DNAH6: variants seen among roughly 807,000 people sequenced by gnomAD.
DNAH6 encodes the protein dynein axonemal heavy chain 6.
Under a neutral mutation model 491.4 loss-of-function variants are expected in DNAH6, and 340 were observed. The ratio of observed to expected loss-of-function variants is 0.69; its 90% CI spans 0.63 to 0.76. The LOEUF (loss-of-function observed/expected upper bound fraction) is 0.76, where lower values mean the gene tolerates loss of function less well. Among genes scored for constraint, DNAH6 ranks in the 30% least tolerant of loss-of-function variants. The probability of loss-of-function intolerance (pLI) is 0.00; values close to 1 mark genes in which losing one functional copy is unlikely to be tolerated. For missense variants in DNAH6, 4,443 were observed against 4,972.2 expected, an observed-to-expected ratio of 0.89 and a Z score of 3.20; for synonymous variants, 1,603 against 1,686.1, an observed-to-expected ratio of 0.95 and a Z score of 1.21.
intron 37 of DNAH6, among the ~76,000 whole-genome samples, chr2:84,665,528 C>T (rs186667238): frequency 6.6e-6 from 1 of 152,274 alleles, no homozygotes; most frequent in East Asian, 1.9e-4. Flanking sequence ...TGGACACATA[C>T]ACCCTCCCAA....
rs1450917503 is a variant in DNAH6 at position 84,781,617 on chromosome 2, G to A, written c.10828G>A (p.Ala3610Thr). The A allele has an allele frequency of 1.3e-6, 2 of 1,551,912 alleles. No homozygotes were observed. Among genetic ancestry groups the A allele is most frequent in the African/African-American group, 1.4e-5 (1 of 73,174 alleles). ...NCHLAVSWMLAMEELIKTFTD... is the reference protein window; with the variant it reads ...NCHLAVSWMLTMEELIKTFTD... Reference sequence around the variant, plus strand: ...CCATCTTGCTGTTTCTTGGATGTTGGCAATGGAAGAGCTCATTAAAACCTT... The same window carrying A: ...CCATCTTGCTGTTTCTTGGATGTTGACAATGGAAGAGCTCATTAAAACCTT... The change falls in exon 65 of 77, where the codon GCA becomes ACA. Residue 3610 changes from alanine (A) to threonine (T), a missense_variant. Coordinates refer to ENST00000389394, the MANE Select transcript of DNAH6 (RefSeq NM_001370.2).
At chr2:84,503,153 G>A in the DNAH6 span, among the ~76,000 whole-genome samples, 5 of 151,716 alleles carry the variant, frequency 3.3e-5, no homozygotes, top group East Asian at 5.8e-4. Flanking sequence ...GTGTGTCTTC[G>A]TTGTATGTTT....
intron 13 of DNAH6, among the ~76,000 whole-genome samples, chr2:84,578,982 T>C (rs1383820950): frequency 1.3e-5 from 2 of 152,220 alleles, no homozygotes; most frequent in Admixed American, 6.5e-5. Context: ...TCTGCCATGA[T>C]TGTAAGTTTC....
rs1376746481 is a variant in DNAH6 at position 84,583,922 on chromosome 2, T to A, written c.2230-77T>A. On this transcript the variant is annotated intron_variant, in intron 14 of 76. Coordinates refer to ENST00000389394, the MANE Select transcript of DNAH6 (RefSeq NM_001370.2). ...TACAATGTTCATATTGTACAGTGTC[T>A]GTCTCCTGTTAGAACAAACTTCAAG... 7 of 1,440,288 alleles carry A rather than the reference T, an allele frequency of 4.9e-6. No homozygotes were observed. In the South Asian group the frequency reaches 8.9e-5, roughly 18 times the overall value. The allele number at this position is 1,440,288 out of a possible 1,614,324, so 89.2% of individuals were successfully genotyped here.
chr2:84,571,467 A>G (rs1681861751), intron 11 of DNAH6, among the ~76,000 whole-genome samples: 1 of 152,216 alleles, frequency 6.6e-6, no homozygotes, highest in Non-Finnish European at 1.5e-5. Context: ...AATAACATAC[A>G]TCACTTATGT....
the DNAH6 span, among the ~76,000 whole-genome samples, chr2:84,473,163 A>G: frequency 6.6e-6 from 1 of 152,232 alleles, no homozygotes; most frequent in Non-Finnish European, 1.5e-5. Flanking sequence ...AAACTGAAAT[A>G]TCTTAGATTT....
chr2:84,612,472 C>G (rs374147828), intron 22 of DNAH6, among the ~76,000 whole-genome samples: 3 of 152,032 alleles, frequency 2.0e-5, no homozygotes, highest in South Asian at 2.1e-4. Flanking sequence ...AGCACATGGC[C>G]CATCCTGGTA....
intron 45 of DNAH6, among the ~76,000 whole-genome samples, chr2:84,692,421 ATAGATAGATAGATAG>A (rs1344791476): frequency 1.3e-3 from 1 of 770 alleles, no homozygotes; most frequent in African/African-American, 4.7e-3. Context: ...AATAAGGTAG[ATAGATAGATAGATAG>A]ATAGATAGAT....
intron 70 of DNAH6, among the ~76,000 whole-genome samples, chr2:84,804,829 C>T (rs1458261698): frequency 6.6e-6 from 1 of 151,700 alleles, no homozygotes; most frequent in Non-Finnish European, 1.5e-5. Flanking sequence ...ATTTTATTTC[C>T]TTTTGAAATA....
chr2:84,802,296 C>G (rs1276268940), intron 70 of DNAH6, among the ~76,000 whole-genome samples: 1 of 152,172 alleles, frequency 6.6e-6, no homozygotes, highest in African/African-American at 2.4e-5. Context: ...ACCCATCGTT[C>G]TGCTGTCTTC....
In DNAH6 at chr2:84,688,577, A is replaced by G. The variant is rs748113624; in HGVS notation, c.7276A>G (p.Ile2426Val). 2 of 1,541,884 alleles carry G rather than the reference A, an allele frequency of 1.3e-6. No homozygotes were observed. The highest frequency in any genetic ancestry group is 1.7e-6 in the Non-Finnish European group (2 of 1,144,834). ...EVKLVFFQDA[I>V]EHVSRIARMI... is the part of the protein sequence containing the mutation. ...AAAGTTGGTGTTCTTCCAGGATGCT[A>G]TAGAACATGTTTCAAGGTATAGTGC... The change falls in exon 45 of 77, where the codon ATA (isoleucine) becomes GTA (valine). Residue 2426 changes from isoleucine to valine, a missense_variant. Physicochemically the swap from Ile to Val is conservative, Grantham distance 29. This residue lies in a region of DNAH6 where 2,977 missense variants were observed against 3,296.6 expected (regional missense o/e 0.90). Transcript: ENST00000389394.
the DNAH6 span, among the ~76,000 whole-genome samples, chr2:84,501,464 A>T: frequency 6.6e-6 from 1 of 151,562 alleles, no homozygotes; most frequent in Non-Finnish European, 1.5e-5. Context: ...AAAATTTATC[A>T]GCAATATTAG....
chr2:84,630,348 C>T (rs1021689863), intron 29 of DNAH6, among the ~76,000 whole-genome samples: 2 of 152,102 alleles, frequency 1.3e-5, no homozygotes, highest in Non-Finnish European at 2.9e-5. Context: ...AAATACATAT[C>T]TCCTGTTATG....
intron 46 of DNAH6, among the ~76,000 whole-genome samples, chr2:84,695,309 C>T (rs903601035): frequency 3.9e-5 from 6 of 152,104 alleles, no homozygotes; most frequent in East Asian, 3.9e-4. Context: ...AATAAAAATG[C>T]GAGTGACTTG....
chr2:84,579,449 C>A, intron 13 of DNAH6, 78 bp from the exon 14 acceptor site: 1 of 1,497,158 alleles, frequency 6.7e-7, no homozygotes, highest in Non-Finnish European at 9.2e-7. Context: ...TTAACAAATC[C>A]AATTAGGATT....
chr2:84,568,990 T>G (rs912751123), intron 11 of DNAH6, among the ~76,000 whole-genome samples: 2 of 152,208 alleles, frequency 1.3e-5, no homozygotes, highest in Non-Finnish European at 2.9e-5. Context: ...AAACTATACA[T>G]GCATTTACCT....
intron 21 of DNAH6, 107 bp from the exon 22 acceptor site, chr2:84,611,567 C>T (rs1686335837): frequency 4.1e-6 from 4 of 964,846 alleles, no homozygotes; most frequent in African/African-American, 1.6e-5. Context: ...CATAACACCA[C>T]CCTCAAGGAA....
intron 54 of DNAH6, among the ~76,000 whole-genome samples, chr2:84,708,304 G>T (rs115104949): frequency 6.6e-6 from 1 of 151,784 alleles, no homozygotes; most frequent in Non-Finnish European, 1.5e-5. Context: ...AATTAGCTGG[G>T]CGTAGGGGCA....
intron 23 of DNAH6, among the ~76,000 whole-genome samples, chr2:84,619,344 CAA>C (rs1242165528): frequency 2.0e-5 from 3 of 152,172 alleles, no homozygotes; most frequent in Admixed American, 6.6e-5. Context: ...TTAGGGAAAA[CAA>C]ATAATACATC....
Sources: gnomAD v4.1 joint callset for allele counts (sites outside exome capture counted in the v4.1 genomes callset) on GRCh38, gnomAD v4.1.1 for gene constraint, gnomAD v4.1.1 regional missense constraint, MANE v1.5 for transcripts, NCBI Gene and HGNC (gene_info 2026-07-23, HGNC 2026-07-21) for gene names.